SV2A: variants seen among roughly 807,000 people sequenced by gnomAD.
SV2A encodes synaptic vesicle glycoprotein 2A.
SV2A carries 25 observed loss-of-function variants against 78.0 expected under a neutral mutation model. The observed-to-expected ratio is 0.32, with a 90% CI of 0.23 to 0.45. The LOEUF is 0.45. Ranked by LOEUF, SV2A falls within the 20% of genes least tolerant of loss-of-function variation. The pLI is 1.00. For synonymous variants in SV2A, 355 were observed against 384.7 expected, an observed-to-expected ratio of 0.92 and a Z score of 0.90; for missense variants, 752 against 971.5, an observed-to-expected ratio of 0.77 and a Z score of 3.00.
Position 149,910,752 on chromosome 1 carries a change from G to A in SV2A, c.956-49C>T. The stretch of plus-strand genomic sequence containing the variant: ...TCAGCAGAGAGGCCAGAGGCTGGGG[G>A]AACCCACCACAGGGAGCACAGAAGA... On this transcript the variant is annotated intron_variant, in intron 4 of 12. Coordinates refer to ENST00000369146, the MANE Select transcript of SV2A (RefSeq NM_014849.5). This position sits in a 1 kb window ranked among gnomAD's most constrained non-coding sequence, Gnocchi z 4.2. The A allele has an allele frequency of 6.2e-7, 1 of 1,612,386 alleles. No individual in the cohort carries two copies. Among genetic ancestry groups the A allele is most frequent in the Non-Finnish European group, 8.5e-7 (1 of 1,178,984 alleles).
Position 149,907,693 on chromosome 1 carries a change from G to A in SV2A, c.1678+7C>T, listed in dbSNP as rs782650889. 1.6e-5 allele frequency: 26 copies of A among 1,610,908 alleles called. No homozygotes were observed. Among genetic ancestry groups the A allele is most frequent in the South Asian group, 4.4e-5 (4 of 90,496 alleles). ...TGGTCTGACACCCACCAGCCACCCC[G>A]CCTTACCAGTGTTATAGAACACAGT... On this transcript the variant is annotated splice_region_variant and intron_variant, in intron 10 of 12. Transcript: ENST00000369146.
rs1243608289 is a variant in SV2A at position 149,906,641 on chromosome 1, C to A, written c.1885+9G>T. The stretch of plus-strand genomic sequence containing the variant: ...TACTATCAGATCTGACTCAGCCTCT[C>A]CCCCTTACCAAGCATTCTGAGCCTG... On this transcript the variant is annotated intron_variant, in intron 11 of 12. Coordinates refer to ENST00000369146, the MANE Select transcript of SV2A (RefSeq NM_014849.5). 5.6e-6 allele frequency: 9 copies of A among 1,614,006 alleles called. No individual in the cohort carries two copies. The highest frequency in any genetic ancestry group is 7.6e-6 in the Non-Finnish European group (9 of 1,179,936).
chr1:149,905,467 T>C (rs1386211649), intron 12 of SV2A: 1 of 362,720 alleles, frequency 2.8e-6, no homozygotes, highest in Non-Finnish European at 4.9e-6. Flanking sequence ...TTTTTTTTTT[T>C]TTTTGAGACG....
intron 1 of SV2A, among the ~76,000 whole-genome samples, chr1:149,915,463 C>G (rs1323870175): frequency 1.3e-5 from 2 of 152,130 alleles, no homozygotes; most frequent in East Asian, 3.9e-4. Context: ...AGATGGAAAG[C>G]TAAGAAAGAG....
chr1:149,911,765 C>T lies in SV2A; in HGVS notation c.803+35G>A, dbSNP rs782275852. ...GATACAACAGTGACCAAGGCACAGTCCTGCCCTCAAGGGACTTAGGAAGTG... is the reference window on the plus strand; with the variant it reads ...GATACAACAGTGACCAAGGCACAGTTCTGCCCTCAAGGGACTTAGGAAGTG... On this transcript the variant is annotated intron_variant, in intron 3 of 12. Coordinates refer to ENST00000369146, the MANE Select transcript of SV2A (RefSeq NM_014849.5). 3.1e-6 allele frequency: 5 copies of T among 1,602,658 alleles called. No individual in the cohort carries two copies. The African/African-American group carries it at 4.0e-5, about 13-fold the overall frequency.
intron 7 of SV2A, 56 bp from the exon 8 acceptor site, chr1:149,909,336 G>A (rs587695543): frequency 6.3e-7 from 1 of 1,594,152 alleles, no homozygotes; most frequent in African/African-American, 1.3e-5. Flanking sequence ...AGCACCCATA[G>A]ATCCCCACTT....
intron 8 of SV2A, 55 bp downstream of exon 8, chr1:149,909,137 C>T: frequency 6.4e-7 from 1 of 1,561,776 alleles, no homozygotes. Context: ...ACCTCTCTCC[C>T]AGCCCACACA....
At position 149,911,862 on chromosome 1, in the gene SV2A, G is replaced by A. The variant is rs2092477644; in HGVS notation, c.741C>T (p.Phe247=). Residue 247 remains phenylalanine, a synonymous_variant, in exon 3 of 13, where the codon TTC becomes TTT. Coordinates refer to ENST00000369146, the MANE Select transcript of SV2A (RefSeq NM_014849.5). ...ISLSVNSVFA[F]FSSFVQGYGT... is the part of the protein sequence containing the mutation. ...CGTAACCCTGGACAAAAGATGAGAA[G>A]AAGGCGAAGACGCTGTTGACTGAGA... The A allele has an allele frequency of 6.2e-7, 1 of 1,614,044 alleles. No individual in the cohort carries two copies. The highest frequency in any genetic ancestry group is 1.3e-5 in the African/African-American group (1 of 74,908).
rs1553764122 is a variant in SV2A, at chr1:149,913,565, C to T, written c.276G>A (p.Glu92=). The stretch of plus-strand genomic sequence containing the variant: ...TGCCCTGATATTCCCCTTCATAGAT[C>T]TCATCATCCTCGTCATGGCCCTCAG... ...DATEGHDEDD[E]IYEGEYQGIP... The change falls in exon 2 of 13, where the codon GAG becomes GAA. Residue 92 remains glutamate (E), a synonymous_variant. Transcript: ENST00000369146. 2 of 1,613,886 alleles carry T rather than the reference C, an allele frequency of 1.2e-6. No individual in the cohort carries two copies. The highest frequency in any genetic ancestry group is 2.7e-5 in the African/African-American group (2 of 74,856).
chr1:149,906,687 G>A lies in SV2A; in HGVS notation c.1848C>T (p.Ala616=), dbSNP rs139341131. 1.5e-5 allele frequency: 25 copies of A among 1,614,068 alleles called. No homozygotes were observed. The African/African-American group carries it at 3.2e-4, about 21-fold the overall frequency. ...GCCTGCCGATCTTGTCCATGAGCAG[G>A]GCAGACACGATATTCCCAGGAAGCA... ...LAVLPGNIVS[A]LLMDKIGRLR... The change falls in exon 11 of 13, where the codon GCC becomes GCT. Residue 616 remains alanine (A), a synonymous_variant. Transcript: ENST00000369146.
intron 3 of SV2A, among the ~76,000 whole-genome samples, chr1:149,911,357 G>A (rs1553763750): frequency 6.6e-6 from 1 of 152,240 alleles, no homozygotes; most frequent in East Asian, 1.9e-4. Context: ...AGAGTAAGCG[G>A]GCCTGCCATG....
At position 149,913,843 on chromosome 1, in the gene SV2A, T is replaced by C. The variant is rs369749523; in HGVS notation, c.-3A>G. ...CGGTCTCGGAAGCCCTCTTCCATGA[T>C]GGGGCTTGGGGCACTTCACTGGGTC... On this transcript the variant is annotated 5_prime_UTR_variant, in exon 2 of 13. Coordinates refer to ENST00000369146, the MANE Select transcript of SV2A (RefSeq NM_014849.5). 21 of 1,595,822 alleles carry C rather than the reference T, an allele frequency of 1.3e-5. No individual in the cohort carries two copies. The African/African-American group carries it at 2.2e-4, about 16-fold the overall frequency.
chr1:149,909,951 A>T (rs979758165), intron 5 of SV2A, 61 bp from the exon 6 acceptor site: 1 of 1,505,992 alleles, frequency 6.6e-7, no homozygotes, highest in African/African-American at 1.4e-5. Context: ...AGAGTTATAG[A>T]CCCCCTCCCT....
At chr1:149,905,809 C>G (rs782495540) in intron 12 of SV2A, 71 bp downstream of exon 12, 13 of 1,571,238 alleles carry the variant, frequency 8.3e-6, no homozygotes, top group Non-Finnish European at 1.1e-5. Flanking sequence ...ATGCTCTTCC[C>G]ATTCAGCCCT....
Position 149,906,152 on chromosome 1 carries a change from A to G in SV2A, c.1886-113T>C, listed in dbSNP as rs936087435. On this transcript the variant is annotated intron_variant, in intron 11 of 12. Coordinates refer to ENST00000369146, the MANE Select transcript of SV2A (RefSeq NM_014849.5). The stretch of plus-strand genomic sequence containing the variant: ...ATAGCCCAGGATGAGACTTGTTCCG[A>G]AGGTATCCAACCAAGGTATCCAAAA... 7.7e-6 allele frequency: 10 copies of G among 1,305,832 alleles called. No homozygotes were observed. In the African/African-American group the frequency reaches 1.3e-4, roughly 17 times the overall value. 80.9% of individuals were successfully genotyped at this position (1,305,832 alleles called of 1,614,324 possible).
At chr1:149,908,597 A>AC (rs2092454305) in intron 8 of SV2A, among the ~76,000 whole-genome samples, 1 of 94,004 alleles carries the variant, frequency 1.1e-5, no homozygotes, top group Admixed American at 1.2e-4. Flanking sequence ...CCCTTCCCCC[A>AC]CCCTTCTCTC....
At chr1:149,912,094 T>G in intron 2 of SV2A, 114 bp from the exon 3 acceptor site, 2 of 1,049,978 alleles carry the variant, frequency 1.9e-6, no homozygotes, top group Non-Finnish European at 2.7e-6. Flanking sequence ...AAGGTAAGTC[T>G]ACCCAGAGAT....
rs201956692 is a variant in SV2A, at chr1:149,910,810, T to G, written c.955+16A>C. ...GGAGGGAGATAACCTGGGGTGGATT[T>G]CCGGGGGCTGCTCACCATAGTGGGG... On this transcript the variant is annotated intron_variant, in intron 4 of 12. Coordinates refer to ENST00000369146, the MANE Select transcript of SV2A (RefSeq NM_014849.5). This position sits in a 1 kb window ranked among gnomAD's most constrained non-coding sequence, Gnocchi z 4.2. 1.9e-6 allele frequency: 3 copies of G among 1,612,986 alleles called. No individual in the cohort carries two copies. The East Asian group carries it at 6.7e-5, about 36-fold the overall frequency.
chr1:149,912,041 G>T, intron 2 of SV2A, 61 bp from the exon 3 acceptor site: 1 of 1,535,304 alleles, frequency 6.5e-7, no homozygotes, highest in East Asian at 2.3e-5. Context: ...ATTCTCCCAG[G>T]AGATGAGCAC....
Sources: gnomAD v4.1 joint callset for allele counts (sites outside exome capture counted in the v4.1 genomes callset) on GRCh38, gnomAD v4.1.1 for gene constraint, Gnocchi (gnomAD v3.1) non-coding constraint, MANE v1.5 for transcripts, NCBI Gene and HGNC (gene_info 2026-07-23, HGNC 2026-07-21) for gene names.